Variants in ASAP2 observed in about 807,000 individuals in gnomAD.
The protein encoded by ASAP2 is ArfGAP with SH3 domain, ankyrin repeat and PH domain 2.
A neutral mutation model predicts 131.4 loss-of-function variants in ASAP2; 45 were observed. The ratio of observed to expected loss-of-function variants is 0.34; its 90% confidence interval spans 0.27 to 0.44. The LOEUF is 0.44. Among genes scored for constraint, ASAP2 ranks in the 20% least tolerant of loss-of-function variants. The pLI, the probability that ASAP2 is intolerant of heterozygous loss-of-function variation, is 1.00. For missense variants in ASAP2, 1,011 were observed against 1,297.0 expected (o/e 0.78, Z 3.39); for synonymous variants, 510 against 503.0 (o/e 1.01, Z -0.19).
At chr2:9,336,993 A>G (rs1174738523) in intron 9 of ASAP2, among the ~76,000 whole-genome samples, 3 of 152,282 alleles carry the variant, frequency 2.0e-5, no homozygotes, top group African/African-American at 4.8e-5. Flanking sequence ...TTGCCTGTGC[A>G]GAATTAGGAG....
chr2:9,387,300 A>G (rs1217560619), intron 21 of ASAP2, among the ~76,000 whole-genome samples: 1 of 152,054 alleles, frequency 6.6e-6, no homozygotes, highest in Admixed American at 6.5e-5. Flanking sequence ...TTTAAGCTCT[A>G]CGGGCCTAAA....
intron 7 of ASAP2, among the ~76,000 whole-genome samples, chr2:9,330,187 T>C (rs1288777277): frequency 1.3e-5 from 2 of 152,200 alleles, no homozygotes; most frequent in African/African-American, 2.4e-5. Context: ...CAAAGGAGGA[T>C]GTGCTGAGTG....
chr2:9,393,774 C>T (rs1675908497), intron 24 of ASAP2, 127 bp downstream of exon 24: 1 of 1,012,514 alleles, frequency 9.9e-7, no homozygotes, highest in African/African-American at 1.7e-5. Context: ...ATAACTAATT[C>T]ATCGGGGCTG....
chr2:9,274,614 C>T (rs894051378), intron 1 of ASAP2, among the ~76,000 whole-genome samples: 4 of 152,042 alleles, frequency 2.6e-5, no homozygotes, highest in South Asian at 2.1e-4. Context: ...TGAGCCACCG[C>T]GTCCAGCCTA....
chr2:9,253,157 A>AGTTTTT (rs1361935309), intron 1 of ASAP2, among the ~76,000 whole-genome samples: 4 of 151,912 alleles, frequency 2.6e-5, no homozygotes, highest in African/African-American at 7.3e-5. Flanking sequence ...AAAATTCACC[A>AGTTTTT]GTTTTTGTTT....
chr2:9,360,612 A>G (rs1004078048), intron 15 of ASAP2, among the ~76,000 whole-genome samples: 5 of 152,214 alleles, frequency 3.3e-5, no homozygotes, highest in Non-Finnish European at 7.3e-5. Context: ...AAATACTCCC[A>G]CAATGGCCAA....
At chr2:9,270,510 A>G (rs554890824) in intron 1 of ASAP2, among the ~76,000 whole-genome samples, 1 of 152,226 alleles carries the variant, frequency 6.6e-6, no homozygotes, top group East Asian at 1.9e-4. Context: ...TGCAGTGCAT[A>G]ATAATCACAT....
At chr2:9,388,018 C>T (rs369411828) in intron 21 of ASAP2, among the ~76,000 whole-genome samples, 1 of 152,196 alleles carries the variant, frequency 6.6e-6, no homozygotes, top group Non-Finnish European at 1.5e-5. Context: ...CTCCTTCCCT[C>T]GACAAGTGAA....
rs528949305 is a variant in ASAP2 at position 9,404,866 on chromosome 2, A to G, written c.*1539A>G. The G allele has an allele frequency of 8.5e-5, 13 of 152,428 alleles. No individual in the cohort carries two copies. Among genetic ancestry groups the G allele is most frequent in the African/African-American group, 3.1e-4 (13 of 41,454 alleles). The allele number at this position is 152,428 out of a possible 1,614,324, so 9.4% of individuals were successfully genotyped here. A position where few individuals can be genotyped will look rare whatever the true frequency, so the allele number is the denominator to read the frequency against. The stretch of plus-strand genomic sequence containing the variant: ...AAAGTTCCGGGTAAAAATGTGTTAT[A>G]TCTGTAGTTTTTTGTTTTTGTTTTT... On this transcript the variant is annotated 3_prime_UTR_variant, in exon 28 of 28. Coordinates refer to ENST00000281419, the MANE Select transcript of ASAP2 (RefSeq NM_003887.3).
chr2:9,228,996 G>C (rs1350743633), intron 1 of ASAP2, among the ~76,000 whole-genome samples: 1 of 152,098 alleles, frequency 6.6e-6, no homozygotes, highest in East Asian at 1.9e-4. Context: ...GTGCTGCCGG[G>C]CTCCATTCCG....
At chr2:9,296,344 A>G (rs1227687357) in intron 2 of ASAP2, among the ~76,000 whole-genome samples, 2 of 152,152 alleles carry the variant, frequency 1.3e-5, no homozygotes, top group Non-Finnish European at 2.9e-5. Context: ...ATTCCTACCC[A>G]CGGTTTAAAT....
chr2:9,362,055 T>G (rs778423163), intron 15 of ASAP2, among the ~76,000 whole-genome samples: 6 of 151,030 alleles, frequency 4.0e-5, no homozygotes, highest in Non-Finnish European at 5.9e-5. Context: ...CCATAAAGTA[T>G]TAGTTATCAT....
At chr2:9,291,457 G>T (rs1269953195) in intron 2 of ASAP2, among the ~76,000 whole-genome samples, 1 of 152,178 alleles carries the variant, frequency 6.6e-6, no homozygotes, top group Non-Finnish European at 1.5e-5. Context: ...CCACAAGTGA[G>T]GTCGGAAACA....
At chr2:9,359,331 G>C (rs1672937864) in intron 15 of ASAP2, among the ~76,000 whole-genome samples, 2 of 152,242 alleles carry the variant, frequency 1.3e-5, no homozygotes, top group South Asian at 4.1e-4. Context: ...GTCCCCCATG[G>C]GGGGAGATAT....
At chr2:9,259,781 G>A (rs1015219018) in intron 1 of ASAP2, among the ~76,000 whole-genome samples, 4 of 152,200 alleles carry the variant, frequency 2.6e-5, no homozygotes, top group Admixed American at 2.0e-4. Context: ...ATCTGAGGCC[G>A]ACAGGCAAAG....
intron 1 of ASAP2, among the ~76,000 whole-genome samples, chr2:9,273,332 C>CT (rs1666539386): frequency 6.6e-6 from 1 of 152,046 alleles, no homozygotes. Context: ...TTCTTGATTG[C>CT]TTTTTCAGAT....
intron 3 of ASAP2, among the ~76,000 whole-genome samples, chr2:9,297,686 A>G (rs1042436337): frequency 6.6e-6 from 1 of 152,226 alleles, no homozygotes; most frequent in African/African-American, 2.4e-5. Context: ...ATGGGACAAA[A>G]TGGGTAAATG....
At chr2:9,335,639 C>T (rs931276714) in intron 9 of ASAP2, among the ~76,000 whole-genome samples, 5 of 152,226 alleles carry the variant, frequency 3.3e-5, no homozygotes, top group Non-Finnish European at 7.3e-5. Flanking sequence ...GCTTTTCTTA[C>T]AGCTGCCTCC....
In ASAP2 at chr2:9,297,051, A is replaced by G. The variant is rs572505168; in HGVS notation, c.200-249A>G. On this transcript the variant is annotated intron_variant, in intron 2 of 27. Coordinates refer to ENST00000281419, the MANE Select transcript of ASAP2 (RefSeq NM_003887.3). Reference sequence around the variant, plus strand: ...TGTGTCCTTGGCCATCTCATCTGATATGCTGAGGACCACTGGACGTGGGCA... The same window carrying G: ...TGTGTCCTTGGCCATCTCATCTGATGTGCTGAGGACCACTGGACGTGGGCA... Among the ~76,000 whole-genome samples the G allele has an allele frequency of 1.5e-4, 23 of 152,254 alleles. No homozygotes were observed. The South Asian group carries it at 3.1e-3, about 21-fold the overall frequency.
Sources: gnomAD v4.1 joint callset for allele counts (sites outside exome capture counted in the v4.1 genomes callset) on GRCh38, gnomAD v4.1.1 for gene constraint, MANE v1.5 for transcripts, NCBI Gene and HGNC (gene_info 2026-07-23, HGNC 2026-07-21) for gene names.